ZNF385D: variants seen among roughly 807,000 people sequenced by gnomAD.
The protein encoded by ZNF385D is zinc finger protein 659.
Under a neutral mutation model 35.8 loss-of-function variants are expected in ZNF385D, and 15 were observed. The ratio of observed to expected loss-of-function variants is 0.42; its 90% CI spans 0.28 to 0.64. ZNF385D has a LOEUF of 0.64. Ranked by LOEUF, ZNF385D falls within the 30% of genes least tolerant of loss-of-function variation. The pLI is 0.23. For synonymous variants in ZNF385D, 212 were observed against 186.8 expected (o/e 1.13, Z -1.10); for missense variants, 474 against 494.6 (o/e 0.96, Z 0.39).
chr3:21,873,715 T>C (rs567457477), intron 3 of ZNF385D, among the ~76,000 whole-genome samples: 19 of 152,238 alleles, frequency 1.2e-4, no homozygotes, highest in African/African-American at 4.1e-4. Context: ...ATAACTTCTG[T>C]ATGTAGAATC....
rs199660410 is a variant in ZNF385D at position 21,670,650 on chromosome 3, GCCCCCCCCCCCCCC to G, written c.23-5636_23-5623del. ...AGAAATAAAAATGAAATCCTAAGGC[GCCCCCCCCCCCCCC>G]CCCCCCCCCAATGACTGAACGAATC... is the stretch of plus-strand genomic sequence containing the variant. On this transcript the variant is annotated intron_variant, in intron 1 of 7. Coordinates refer to ENST00000281523, the MANE Select transcript of ZNF385D (RefSeq NM_024697.3). Among the ~76,000 whole-genome samples, 18 of 4,042 alleles carry G rather than the reference GCCCCCCCCCCCCCC, an allele frequency of 4.5e-3. 3 individuals are homozygous for G. Among genetic ancestry groups the G allele is most frequent in the East Asian group, 0.023 (2 of 88 alleles). The allele number at this position is 4,042 out of a possible 152,430, so 2.7% of individuals were successfully genotyped here. A position where few individuals can be genotyped will look rare whatever the true frequency, so the allele number is the denominator to read the frequency against.
intron 2 of ZNF385D, among the ~76,000 whole-genome samples, chr3:22,204,444 C>T (rs780796680): frequency 6.6e-6 from 1 of 151,906 alleles, no homozygotes; most frequent in African/African-American, 2.4e-5. Context: ...CTTTTCAATG[C>T]CCAGAAAGCA....
At chr3:21,807,296 AT>A (rs2072694879) in intron 3 of ZNF385D, among the ~76,000 whole-genome samples, 1 of 152,254 alleles carries the variant, frequency 6.6e-6, no homozygotes. Flanking sequence ...TCAACTTGCT[AT>A]TTTTCAAGTG....
chr3:21,626,611 C>T (rs1335059315), intron 2 of ZNF385D, among the ~76,000 whole-genome samples: 1 of 152,012 alleles, frequency 6.6e-6, no homozygotes, highest in South Asian at 2.1e-4. Flanking sequence ...GGGTGGCCAG[C>T]CTTGGCTACT....
At chr3:22,313,305 C>T (rs994708468) in intron 2 of ZNF385D, among the ~76,000 whole-genome samples, 13 of 150,950 alleles carry the variant, frequency 8.6e-5, no homozygotes, top group African/African-American at 2.4e-4. Context: ...TGCTAAATGA[C>T]GAGTTAATGG....
chr3:21,982,333 CT>C lies in ZNF385D; in HGVS notation c.325+186483del, dbSNP rs112067431. Among the ~76,000 whole-genome samples the C allele has an allele frequency of 1.5e-4, 23 of 151,944 alleles. 1 individual carries two copies. The highest frequency in any genetic ancestry group is 4.6e-4 in the African/African-American group (19 of 41,456). On this transcript the variant is annotated intron_variant, in intron 3 of 5. Coordinates refer to the ZNF385D transcript ENST00000494108. The stretch of plus-strand genomic sequence containing the variant: ...TTCTAGGTTTTCTAGGTATTTTATT[CT>C]TTTATGGCAATTGTAAGTAGAATCG...
At position 22,279,103 on chromosome 3, in the gene ZNF385D, G is replaced by A. The variant is rs142829825; in HGVS notation, c.106+93347C>T. On this transcript the variant is annotated intron_variant, in intron 2 of 5. Transcript: ENST00000494108. The stretch of plus-strand genomic sequence containing the variant: ...ACTATCTCCATCTACTCTCAATTGT[G>A]TTCCTTTTTTGTTTTATTTCAATAG... Among the ~76,000 whole-genome samples, 409 of 152,110 alleles carry A rather than the reference G, an allele frequency of 2.7e-3. 1 individual carries two copies. The Middle Eastern group carries it at 0.027, about 10-fold the overall frequency.
intron 1 of ZNF385D, among the ~76,000 whole-genome samples, chr3:21,731,293 G>A (rs1252208152): frequency 1.3e-5 from 2 of 152,060 alleles, no homozygotes; most frequent in Non-Finnish European, 2.9e-5. Flanking sequence ...CATTGGCAAT[G>A]CATATTTCTT....
chr3:21,851,521 T>A (rs1253559280), intron 3 of ZNF385D, among the ~76,000 whole-genome samples: 1 of 152,032 alleles, frequency 6.6e-6, no homozygotes, highest in Non-Finnish European at 1.5e-5. Flanking sequence ...ATCTCTCGTG[T>A]CCTTAAATAG....
chr3:21,859,806 G>A (rs1438399804), intron 3 of ZNF385D, among the ~76,000 whole-genome samples: 2 of 151,878 alleles, frequency 1.3e-5, no homozygotes, highest in Admixed American at 6.6e-5. Context: ...ACTTCAAGTT[G>A]CTTCCAAACG....
intron 2 of ZNF385D, among the ~76,000 whole-genome samples, chr3:22,305,220 ATTTC>A (rs1434206746): frequency 6.6e-6 from 1 of 152,070 alleles, no homozygotes; most frequent in Non-Finnish European, 1.5e-5. Context: ...ATGTAATCCT[ATTTC>A]TTTCTCCTAT....
At chr3:21,726,816 A>T (rs1446780365) in intron 1 of ZNF385D, among the ~76,000 whole-genome samples, 1 of 152,212 alleles carries the variant, frequency 6.6e-6, no homozygotes, top group Non-Finnish European at 1.5e-5. Flanking sequence ...AATAGGAGAA[A>T]ACTGCTTTAA....
intron 3 of ZNF385D, among the ~76,000 whole-genome samples, chr3:21,932,953 G>T (rs1274702095): frequency 6.6e-6 from 1 of 152,122 alleles, no homozygotes; most frequent in East Asian, 1.9e-4. Flanking sequence ...ATAGGAGATC[G>T]CAAAGCTAGA....
At chr3:21,636,414 A>ATATATATAT (rs56114816) in intron 2 of ZNF385D, among the ~76,000 whole-genome samples, 3,180 of 64,242 alleles carry the variant, frequency 0.05, 326 homozygotes, top group South Asian at 0.087. Flanking sequence ...ATATATATAT[A>ATATATATAT]GAGTTTCTTA....
chr3:22,320,320 A>G (rs531088299), intron 2 of ZNF385D, among the ~76,000 whole-genome samples: 200 of 152,252 alleles, frequency 1.3e-3, no homozygotes, highest in Admixed American at 1.9e-3. Context: ...GGAAAGACAA[A>G]TAACTGGTCC....
intron 1 of ZNF385D, among the ~76,000 whole-genome samples, chr3:21,703,998 C>T (rs1271077821): frequency 6.6e-6 from 1 of 152,190 alleles, no homozygotes; most frequent in African/African-American, 2.4e-5. Context: ...TTGTAGGGCC[C>T]TGCCTGTTTA....
intron 3 of ZNF385D, among the ~76,000 whole-genome samples, chr3:21,827,101 T>A (rs1257510121): frequency 6.6e-6 from 1 of 152,194 alleles, no homozygotes; most frequent in Non-Finnish European, 1.5e-5. Context: ...ATAGTTTCAG[T>A]GAAGATGAAA....
intron 2 of ZNF385D, among the ~76,000 whole-genome samples, chr3:22,322,966 T>C (rs1333116007): frequency 2.6e-5 from 4 of 152,182 alleles, no homozygotes; most frequent in Non-Finnish European, 4.4e-5. Flanking sequence ...TGGATTTTTA[T>C]TGTTCTGTTT....
chr3:22,184,482 C>G (rs1027206772), intron 2 of ZNF385D, among the ~76,000 whole-genome samples: 1 of 152,102 alleles, frequency 6.6e-6, no homozygotes, highest in Non-Finnish European at 1.5e-5. Flanking sequence ...TGATGATGCT[C>G]TCAGAATTCA....
Sources: gnomAD v4.1 joint callset for allele counts (sites outside exome capture counted in the v4.1 genomes callset) on GRCh38, gnomAD v4.1.1 for gene constraint, MANE v1.5 for transcripts, NCBI Gene and HGNC (gene_info 2026-07-23, HGNC 2026-07-21) for gene names.